Variants in JARID2 observed in about 807,000 individuals in gnomAD.
The protein encoded by JARID2 is jumonji and AT-rich interaction domain containing 2, also known as protein Jumonji.
Under a neutral mutation model 125.6 loss-of-function variants are expected in JARID2, and 21 were observed. That is an observed-to-expected ratio of 0.17 (90% CI 0.12 to 0.24). The LOEUF (loss-of-function observed/expected upper bound fraction) is 0.24. Among genes scored for constraint, JARID2 ranks in the 10% least tolerant of loss-of-function variants. The pLI, the probability that JARID2 is intolerant of heterozygous loss-of-function variation, is 1.00. For missense variants in JARID2, 1,303 were observed against 1,639.6 expected (o/e 0.79, Z 3.55); for synonymous variants, 736 against 661.6 (o/e 1.11, Z -1.73).
In JARID2 at chr6:15,521,124, CTT is replaced by C. The variant is rs1771826574; in HGVS notation, c.*875_*876del. On this transcript the variant is annotated 3_prime_UTR_variant, in exon 18 of 18. Coordinates refer to ENST00000341776, the MANE Select transcript of JARID2 (RefSeq NM_004973.4). ...AAAGTGATGGAAGCCGTAAGTGCTT[CTT>C]TGTCATCGACGTGCAATCTTTCTAA... is the stretch of plus-strand genomic sequence containing the variant. The C allele has an allele frequency of 6.0e-6, 1 of 165,848 alleles. No individual in the cohort carries two copies. The allele number at this position is 165,848 out of a possible 1,614,324, so 10.3% of individuals were successfully genotyped here.
At chr6:15,516,311 A>G (rs1053143458) in intron 16 of JARID2, among the ~76,000 whole-genome samples, 2 of 152,140 alleles carry the variant, frequency 1.3e-5, no homozygotes, top group Non-Finnish European at 2.9e-5. Context: ...ATTTTTCCTT[A>G]TTTTCAAACT....
chr6:15,285,106 G>GTTTTTTTTTTTTTTT (rs199945772), intron 1 of JARID2, among the ~76,000 whole-genome samples: 2 of 119,460 alleles, frequency 1.7e-5, no homozygotes, highest in African/African-American at 6.6e-5. Flanking sequence ...GTCTTTCTGG[G>GTTTTTTTTTTTTTTT]TTTTTTTTTT....
chr6:15,396,636 G>A (rs775824251), intron 2 of JARID2, among the ~76,000 whole-genome samples: 13 of 152,122 alleles, frequency 8.5e-5, no homozygotes, highest in Admixed American at 3.9e-4. Context: ...GAGCATTCAC[G>A]TCCTGGGCAG....
chr6:15,289,975 A>C (rs1172526916), intron 1 of JARID2, among the ~76,000 whole-genome samples: 2 of 152,256 alleles, frequency 1.3e-5, no homozygotes, highest in Non-Finnish European at 2.9e-5. Flanking sequence ...AGAAGATTTT[A>C]AATTTTTCTC....
chr6:15,441,494 G>C (rs1301087620), intron 3 of JARID2, among the ~76,000 whole-genome samples: 2 of 152,188 alleles, frequency 1.3e-5, no homozygotes, highest in African/African-American at 4.8e-5. Context: ...GCAGTGGGTG[G>C]GGAAATTGCC....
chr6:15,283,184 T>C lies in JARID2; in HGVS notation c.45+36600T>C, dbSNP rs139438869. On this transcript the variant is annotated intron_variant, in intron 1 of 17. Transcript: ENST00000341776. Reference sequence around the variant, plus strand: ...TATTAGAGACGGGGTTTCACCGTGTTAGCCAGGACGGTCTCGATCTGCCGA... The same window carrying C: ...TATTAGAGACGGGGTTTCACCGTGTCAGCCAGGACGGTCTCGATCTGCCGA... Among the ~76,000 whole-genome samples, 1,455 of 149,054 alleles carry C rather than the reference T, an allele frequency of 9.8e-3. 20 individuals carry two copies. The highest frequency in any genetic ancestry group is 0.033 in the African/African-American group (1,344 of 40,262).
intron 1 of JARID2, among the ~76,000 whole-genome samples, chr6:15,343,032 C>A (rs1763119736): frequency 1.3e-5 from 2 of 151,982 alleles, no homozygotes; most frequent in African/African-American, 4.8e-5. Flanking sequence ...GAGTTTGAGA[C>A]CAGCCTGGCC....
chr6:15,280,828 C>A (rs998291277), intron 1 of JARID2, among the ~76,000 whole-genome samples: 1 of 152,070 alleles, frequency 6.6e-6, no homozygotes, highest in African/African-American at 2.4e-5. Context: ...GGGGTTTCAC[C>A]ATGTTGGCCA....
intron 1 of JARID2, among the ~76,000 whole-genome samples, chr6:15,330,626 A>G (rs564372765): frequency 2.0e-5 from 3 of 152,378 alleles, no homozygotes; most frequent in African/African-American, 7.2e-5. Flanking sequence ...TTAAAAGCAT[A>G]GAGTGTAAAT....
At chr6:15,446,285 AG>A (rs1489869856) in intron 3 of JARID2, among the ~76,000 whole-genome samples, 1 of 152,128 alleles carries the variant, frequency 6.6e-6, no homozygotes, top group Admixed American at 6.5e-5. Flanking sequence ...AGACTGCAGT[AG>A]AGAGTCTTGT....
chr6:15,315,544 T>G (rs1387376653), intron 1 of JARID2, among the ~76,000 whole-genome samples: 1 of 152,140 alleles, frequency 6.6e-6, no homozygotes, highest in African/African-American at 2.4e-5. Context: ...AAAACTTACA[T>G]ATTTAGAAGT....
chr6:15,429,872 G>A (rs1415742857), intron 3 of JARID2, among the ~76,000 whole-genome samples: 1 of 152,138 alleles, frequency 6.6e-6, no homozygotes, highest in Non-Finnish European at 1.5e-5. Context: ...AAGCCAAAAT[G>A]TACCGTGTAA....
At chr6:15,420,788 T>G (rs1461760382) in intron 3 of JARID2, among the ~76,000 whole-genome samples, 1 of 152,238 alleles carries the variant, frequency 6.6e-6, no homozygotes, top group African/African-American at 2.4e-5. Context: ...GTGTTTACTG[T>G]GAGGCATTGT....
chr6:15,288,829 G>T (rs1761097871), intron 1 of JARID2, among the ~76,000 whole-genome samples: 1 of 152,190 alleles, frequency 6.6e-6, no homozygotes, highest in Non-Finnish European at 1.5e-5. Context: ...GGCCCTGTGG[G>T]GTTACAATGG....
chr6:15,353,369 G>A (rs1005281517), intron 1 of JARID2, among the ~76,000 whole-genome samples: 1 of 152,128 alleles, frequency 6.6e-6, no homozygotes, highest in South Asian at 2.1e-4. Context: ...AATTCATATC[G>A]TTGTACCTAT....
intron 1 of JARID2, among the ~76,000 whole-genome samples, chr6:15,292,405 A>G (rs1173737141): frequency 6.6e-6 from 1 of 152,132 alleles, no homozygotes; most frequent in Non-Finnish European, 1.5e-5. Flanking sequence ...GTGAATGTAC[A>G]ACTGCAGTTT....
Position 15,300,683 on chromosome 6 carries a change from TTGTGTGTGTG to T in JARID2, c.45+54130_45+54139del, listed in dbSNP as rs35433395. ...TTTGCAAAGACCCAGTGTCCTCATGTTGTGTGTGTGTGTGTGTGTGTGTGTGTGTGTGTGT... is the reference window on the plus strand; with the variant it reads ...TTTGCAAAGACCCAGTGTCCTCATGTTGTGTGTGTGTGTGTGTGTGTGTGT... On this transcript the variant is annotated intron_variant, in intron 1 of 17. Coordinates refer to ENST00000341776, the MANE Select transcript of JARID2 (RefSeq NM_004973.4). Among the ~76,000 whole-genome samples the T allele has an allele frequency of 8.8e-4, 101 of 114,488 alleles. No individual in the cohort carries two copies. The South Asian group carries it at 0.022, about 24-fold the overall frequency. The allele number at this position is 114,488 out of a possible 152,430, so 75.1% of individuals were successfully genotyped here. A position where few individuals can be genotyped will look rare whatever the true frequency, so the allele number is the denominator to read the frequency against.
At position 15,496,789 on chromosome 6, in the gene JARID2, T is replaced by C. The variant is rs770567125; in HGVS notation, c.1564T>C (p.Cys522Arg). Residue 522 changes from cysteine to arginine, a missense_variant, in exon 7 of 18, where the codon TGT (cysteine) becomes CGT (arginine). Around this residue, in one of 11 missense-constraint regions of JARID2, gnomAD observed 651 missense variants for 581.6 expected, o/e 1.12. Transcript: ENST00000341776. ...ACATGGCAAGGCGGACAGCGCCTCC[T>C]GTGAAAATCGTTCTACCTCGCAACC... ...QAHGKADSASCENRSTSQPES... is the reference protein window; with the variant it reads ...QAHGKADSASRENRSTSQPES... The C allele has an allele frequency of 1.1e-5, 18 of 1,611,262 alleles. No individual in the cohort carries two copies. Among genetic ancestry groups the C allele is most frequent in the Non-Finnish European group, 1.5e-5 (18 of 1,178,730 alleles).
chr6:15,396,856 C>A (rs1359080198), intron 2 of JARID2, among the ~76,000 whole-genome samples: 5 of 152,168 alleles, frequency 3.3e-5, no homozygotes, highest in Admixed American at 3.3e-4. Context: ...TTAATTGTAG[C>A]CTTAACAACC....
Sources: gnomAD v4.1 joint callset for allele counts (sites outside exome capture counted in the v4.1 genomes callset) on GRCh38, gnomAD v4.1.1 for gene constraint, gnomAD v4.1.1 regional missense constraint, MANE v1.5 for transcripts, NCBI Gene and HGNC (gene_info 2026-07-23, HGNC 2026-07-21) for gene names.